RAPGEF4: variants seen among roughly 807,000 people sequenced by gnomAD.
RAPGEF4 encodes the protein RAP guanine-nucleotide-exchange factor (GEF) 4.
In RAPGEF4, 66 loss-of-function variants were observed where a neutral mutation model predicts 147.9. The observed-to-expected ratio is 0.45, with a 90% CI of 0.37 to 0.55. RAPGEF4 has a LOEUF of 0.55. Ranked by LOEUF, RAPGEF4 falls within the 20% of genes least tolerant of loss-of-function variation. The pLI is 0.00. For synonymous variants in RAPGEF4, 419 were observed against 442.7 expected (o/e 0.95, Z 0.67); for missense variants, 1,071 against 1,257.3 (o/e 0.85, Z 2.24).
At chr2:172,808,061 G>C (rs889451297) in intron 3 of RAPGEF4, among the ~76,000 whole-genome samples, 3 of 152,194 alleles carry the variant, frequency 2.0e-5, no homozygotes, top group African/African-American at 7.2e-5. Context: ...ACTTGTGTAA[G>C]TTGGATTTCA....
intron 4 of RAPGEF4, among the ~76,000 whole-genome samples, chr2:172,831,285 T>TTTTTTTTTTTTTTTTTTTA (rs1690303455): frequency 3.5e-5 from 5 of 142,218 alleles, no homozygotes; most frequent in East Asian, 2.1e-4. Context: ...TTTTTTTTTT[T>TTTTTTTTTTTTTTTTTTTA]GAGACAGAGT....
At chr2:172,994,291 A>G (rs1187408119) in intron 15 of RAPGEF4, among the ~76,000 whole-genome samples, 4 of 152,210 alleles carry the variant, frequency 2.6e-5, no homozygotes, top group Non-Finnish European at 4.4e-5. Context: ...GTTGTTAATT[A>G]CATGGAGAAT....
chr2:172,875,955 C>T (rs1489687012), intron 4 of RAPGEF4, among the ~76,000 whole-genome samples: 1 of 152,084 alleles, frequency 6.6e-6, no homozygotes, highest in African/African-American at 2.4e-5. Context: ...TGAAGAGGTC[C>T]TTCACATCCC....
intron 29 of RAPGEF4, chr2:173,048,366 A>G (rs542911773): frequency 1.2e-6 from 1 of 853,498 alleles, no homozygotes; most frequent in South Asian, 2.4e-5. Context: ...GCCAACAATT[A>G]TGAGAGTTAT....
intron 4 of RAPGEF4, among the ~76,000 whole-genome samples, chr2:172,862,972 G>T (rs1694199709): frequency 6.6e-6 from 1 of 152,124 alleles, no homozygotes; most frequent in Non-Finnish European, 1.5e-5. Context: ...CTGGCTAGAA[G>T]GGTGGAACAG....
intron 10 of RAPGEF4, among the ~76,000 whole-genome samples, chr2:172,971,958 C>T (rs1690535131): frequency 6.6e-6 from 1 of 152,096 alleles, no homozygotes; most frequent in Non-Finnish European, 1.5e-5. Flanking sequence ...ATTGCCCATA[C>T]TCTGCTAAGG....
intron 4 of RAPGEF4, among the ~76,000 whole-genome samples, chr2:172,888,840 A>T (rs1298120301): frequency 1.3e-5 from 2 of 152,146 alleles, no homozygotes; most frequent in Non-Finnish European, 2.9e-5. Flanking sequence ...TGGTGATTTC[A>T]TGTTGCTAGA....
At position 172,922,265 on chromosome 2, in the gene RAPGEF4, C is replaced by T; in HGVS notation, c.518-16C>T. 1 of 1,606,638 alleles carries T rather than the reference C, an allele frequency of 6.2e-7. No individual in the cohort carries two copies. Among genetic ancestry groups the T allele is most frequent in the Non-Finnish European group, 8.5e-7 (1 of 1,173,218 alleles). ...TACAATTCATGGCCTCTCTCTGTCT[C>T]TTTTTCCTCCTTTAGGGATTCCTGA... On this transcript the variant is annotated splice_polypyrimidine_tract_variant and intron_variant, in intron 5 of 30. Coordinates refer to ENST00000397081, the MANE Select transcript of RAPGEF4 (RefSeq NM_007023.4).
chr2:172,874,097 G>A (rs970124763), intron 4 of RAPGEF4, among the ~76,000 whole-genome samples: 3 of 152,194 alleles, frequency 2.0e-5, no homozygotes, highest in African/African-American at 7.2e-5. Context: ...TACACTGTTG[G>A]TGGGAGTATA....
intron 16 of RAPGEF4, among the ~76,000 whole-genome samples, chr2:173,000,797 G>T (rs1575483800): frequency 3.1e-5 from 4 of 127,208 alleles, no homozygotes; most frequent in South Asian, 2.4e-4. Flanking sequence ...CCAATTCTCT[G>T]CTCTTACCAC....
intron 1 of RAPGEF4, among the ~76,000 whole-genome samples, chr2:172,777,263 T>C (rs997613907): frequency 6.7e-6 from 1 of 149,808 alleles, no homozygotes; most frequent in African/African-American, 2.5e-5. Context: ...AAATAACAAA[T>C]AAAAAAGGTA....
At chr2:172,779,489 G>A (rs772386891) in intron 1 of RAPGEF4, among the ~76,000 whole-genome samples, 4 of 152,174 alleles carry the variant, frequency 2.6e-5, no homozygotes, top group Non-Finnish European at 5.9e-5. Context: ...GTGCAGCCAA[G>A]ACACGAGTGT....
intron 4 of RAPGEF4, among the ~76,000 whole-genome samples, chr2:172,878,852 A>G (rs962989647): frequency 2.0e-5 from 3 of 152,354 alleles, no homozygotes; most frequent in Admixed American, 2.0e-4. Context: ...AATGGAGACA[A>G]TTAGATATGC....
chr2:172,931,981 G>GCCCCC (rs3835837), intron 6 of RAPGEF4, among the ~76,000 whole-genome samples: 4 of 137,094 alleles, frequency 2.9e-5, no homozygotes, highest in Non-Finnish European at 6.4e-5. Flanking sequence ...ACTCCCATGC[G>GCCCCC]CCCCCCACCC....
chr2:173,000,055 T>G (rs1693749953), intron 16 of RAPGEF4, among the ~76,000 whole-genome samples: 1 of 152,106 alleles, frequency 6.6e-6, no homozygotes, highest in Non-Finnish European at 1.5e-5. Flanking sequence ...ATAAAACATA[T>G]CAAGATGGTG....
At chr2:173,025,252 A>G (rs1387544146) in intron 23 of RAPGEF4, among the ~76,000 whole-genome samples, 1 of 152,154 alleles carries the variant, frequency 6.6e-6, no homozygotes, top group Non-Finnish European at 1.5e-5. Flanking sequence ...GTCCTCTCTT[A>G]GACTGTAAAC....
At chr2:173,034,527 AG>A in intron 27 of RAPGEF4, among the ~76,000 whole-genome samples, 1 of 152,136 alleles carries the variant, frequency 6.6e-6, no homozygotes, top group Non-Finnish European at 1.5e-5. Flanking sequence ...TTTTCAAACA[AG>A]AAGGGGAAAA....
intron 29 of RAPGEF4, among the ~76,000 whole-genome samples, chr2:173,044,875 A>G (rs1164641624): frequency 1.3e-5 from 2 of 152,176 alleles, no homozygotes; most frequent in African/African-American, 4.8e-5. Context: ...ACTGGGGAAA[A>G]AAAGATGAGA....
At chr2:172,807,246 C>T (rs575862805) in intron 3 of RAPGEF4, among the ~76,000 whole-genome samples, 9 of 152,344 alleles carry the variant, frequency 5.9e-5, no homozygotes, top group African/African-American at 1.4e-4. Flanking sequence ...TGCAAAACTG[C>T]GTCACAATGC....
Sources: allele counts gnomAD v4.1 joint callset (sites outside exome capture counted in the v4.1 genomes callset), GRCh38; gene constraint gnomAD v4.1.1; transcripts MANE v1.5; gene names NCBI Gene and HGNC (gene_info 2026-07-23, HGNC 2026-07-21).